The following RIT2 variants were observed in gnomAD, a reference collection of about 807,000 sequenced individuals.
RIT2 encodes the protein Ras like without CAAX 2, also known as GTP-binding protein Rit2.
RIT2 carries 24 observed loss-of-function variants against 23.7 expected under a neutral mutation model. The ratio of observed to expected loss-of-function variants is 1.01; its 90% CI spans 0.73 to 1.43. RIT2 has a LOEUF of 1.43. Among genes scored for constraint, RIT2 ranks in the 40% most tolerant of loss-of-function variants. RIT2 has a pLI of 0.00. For missense variants in RIT2, 236 were observed against 266.9 expected, an observed-to-expected ratio of 0.88 and a Z score of 0.81; for synonymous variants, 107 against 91.1, an observed-to-expected ratio of 1.17 and a Z score of -0.99.
chr18:42,845,690 A>C (rs1004543146), intron 4 of RIT2, among the ~76,000 whole-genome samples: 7 of 150,588 alleles, frequency 4.6e-5, no homozygotes, highest in African/African-American at 1.4e-4. Context: ...AATATTGTAG[A>C]AATTATAGAG....
intron 3 of RIT2, among the ~76,000 whole-genome samples, chr18:42,953,903 C>A (rs909138028): frequency 6.6e-6 from 1 of 152,074 alleles, no homozygotes; most frequent in African/African-American, 2.4e-5. Context: ...AGATCTCAGG[C>A]TTTTCTTATC....
At chr18:42,846,513 A>G (rs1341444596) in intron 4 of RIT2, among the ~76,000 whole-genome samples, 1 of 151,996 alleles carries the variant, frequency 6.6e-6, no homozygotes, top group African/African-American at 2.4e-5. Context: ...TTAGAGTCCA[A>G]TCTCACAAAC....
At chr18:42,919,057 A>G (rs2144128066) in intron 4 of RIT2, among the ~76,000 whole-genome samples, 1 of 152,254 alleles carries the variant, frequency 6.6e-6, no homozygotes, top group South Asian at 2.1e-4. Context: ...ACAGATCCTG[A>G]GAAGAACAGA....
At chr18:42,745,035 G>C (rs975210554) in intron 4 of RIT2, among the ~76,000 whole-genome samples, 2 of 152,128 alleles carry the variant, frequency 1.3e-5, no homozygotes, top group African/African-American at 4.8e-5. Context: ...TATTAGAAGA[G>C]TTTAAAGAAT....
At chr18:42,879,132 G>A (rs1009332505) in intron 4 of RIT2, among the ~76,000 whole-genome samples, 4 of 152,032 alleles carry the variant, frequency 2.6e-5, no homozygotes, top group Admixed American at 2.6e-4. Context: ...ACTTCTGACT[G>A]CTTCCAATCT....
chr18:43,006,471 T>A (rs541645558), intron 2 of RIT2, among the ~76,000 whole-genome samples: 397 of 151,656 alleles, frequency 2.6e-3, no homozygotes, highest in Non-Finnish European at 4.1e-3. Context: ...ATTAAGAGCA[T>A]AATGCAAGAT....
At chr18:43,082,288 C>G (rs768716462) in intron 1 of RIT2, among the ~76,000 whole-genome samples, 1 of 152,046 alleles carries the variant, frequency 6.6e-6, no homozygotes, top group South Asian at 2.1e-4. Flanking sequence ...CAGCCAAATT[C>G]TACCAGAGGT....
intron 1 of RIT2, among the ~76,000 whole-genome samples, chr18:43,098,715 T>G (rs2144370340): frequency 6.6e-6 from 1 of 152,132 alleles, no homozygotes; most frequent in South Asian, 2.1e-4. Flanking sequence ...GCCTATTCAT[T>G]AATTCATTGG....
At position 42,743,801 on chromosome 18, in the gene RIT2, G is replaced by C. The variant is rs1246478690; in HGVS notation, c.427-81C>G. 3.7e-6 allele frequency: 4 copies of C among 1,094,114 alleles called. No individual in the cohort carries two copies. In the African/African-American group the frequency reaches 6.3e-5, roughly 17 times the overall value. 67.8% of individuals were successfully genotyped at this position (1,094,114 alleles called of 1,614,324 possible). A position where few individuals can be genotyped will look rare whatever the true frequency, so the allele number is the denominator to read the frequency against. ...AAAATACGTTCTCTACTAGAGCTGT[G>C]TGTCAGGCCTCTGAGCCCAAGCCAA... On this transcript the variant is annotated intron_variant, in intron 4 of 4. Transcript: ENST00000326695.
chr18:42,900,122 T>A (rs528797391), intron 4 of RIT2, among the ~76,000 whole-genome samples: 1 of 152,204 alleles, frequency 6.6e-6, no homozygotes, highest in East Asian at 1.9e-4. Flanking sequence ...TGTCTTAATC[T>A]AAATTGAATG....
At position 43,101,520 on chromosome 18, in the gene RIT2, C is replaced by T. The variant is rs1450548012; in HGVS notation, c.103+13897G>A. On this transcript the variant is annotated intron_variant, in intron 1 of 4. Transcript: ENST00000326695. ...TAGGAAATTAAAATGAGAAGAAGCC[C>T]TGTGTCGTGCAACATTAAGAGATCT... Among the ~76,000 whole-genome samples, 5 of 152,072 alleles carry T rather than the reference C, an allele frequency of 3.3e-5. No individual in the cohort carries two copies. The South Asian group carries it at 8.3e-4, about 25-fold the overall frequency.
intron 2 of RIT2, among the ~76,000 whole-genome samples, chr18:43,014,141 T>C (rs1412369504): frequency 6.6e-6 from 1 of 151,752 alleles, no homozygotes; most frequent in African/African-American, 2.4e-5. Flanking sequence ...AGGTAATCCT[T>C]GAGCTTATTT....
intron 3 of RIT2, among the ~76,000 whole-genome samples, chr18:42,960,876 G>T (rs568136328): frequency 6.6e-6 from 1 of 152,164 alleles, no homozygotes; most frequent in South Asian, 2.1e-4. Context: ...TTGTCTTCTT[G>T]TTACAAAACA....
At chr18:42,933,450 G>A (rs182344285) in intron 3 of RIT2, among the ~76,000 whole-genome samples, 4 of 152,142 alleles carry the variant, frequency 2.6e-5, no homozygotes, top group East Asian at 1.9e-4. Flanking sequence ...ATCTTAAATT[G>A]TAGTTCCCAT....
chr18:42,852,164 A>T (rs938887307), intron 4 of RIT2, among the ~76,000 whole-genome samples: 2 of 152,240 alleles, frequency 1.3e-5, no homozygotes, highest in African/African-American at 4.8e-5. Context: ...ATTAAAATAC[A>T]AAGTGTGCCT....
At chr18:42,787,735 A>G (rs1269392182) in intron 4 of RIT2, among the ~76,000 whole-genome samples, 1 of 152,128 alleles carries the variant, frequency 6.6e-6, no homozygotes, top group Admixed American at 6.6e-5. Context: ...CTGAATACTC[A>G]GTAGAAACTT....
chr18:42,842,460 T>C lies in RIT2; in HGVS notation c.426+81112A>G, dbSNP rs993090410. 6.6e-5 allele frequency among the ~76,000 whole-genome samples: 10 copies of C among 152,196 alleles called. No homozygotes were observed. In the South Asian group the frequency reaches 2.1e-3, roughly 31 times the overall value. On this transcript the variant is annotated intron_variant, in intron 4 of 4. Transcript: ENST00000326695. ...TATTGAATATAATAAGTATATTCAA[T>C]GTATTTTTCTCAGTATAAGAAAGTG...
intron 1 of RIT2, among the ~76,000 whole-genome samples, chr18:43,034,177 C>T (rs946393612): frequency 1.8e-4 from 27 of 152,154 alleles, no homozygotes; most frequent in African/African-American, 6.5e-4. Flanking sequence ...TACAGAATCC[C>T]TCTTGACCTT....
At position 43,049,972 on chromosome 18, in the gene RIT2, C is replaced by CTTTTTTTTTTTT. The variant is rs755291383; in HGVS notation, c.104-16117_104-16106dup. 1.7e-3 allele frequency among the ~76,000 whole-genome samples: 109 copies of CTTTTTTTTTTTT among 66,004 alleles called. 4 individuals are homozygous for CTTTTTTTTTTTT. Among genetic ancestry groups the CTTTTTTTTTTTT allele is most frequent in the South Asian group, 6.5e-3 (8 of 1,228 alleles). 43.3% of individuals were successfully genotyped at this position (66,004 alleles called of 152,430 possible). ...CAATGGGTAATTGAGAAGGGATTTC[C>CTTTTTTTTTTTT]TTTTTTTTTTTTTTTTTTTTTTTTT... On this transcript the variant is annotated intron_variant, in intron 1 of 4. Transcript: ENST00000326695.
Sources: allele counts gnomAD v4.1 joint callset (sites outside exome capture counted in the v4.1 genomes callset), GRCh38; gene constraint gnomAD v4.1.1; transcripts MANE v1.5; gene names NCBI Gene and HGNC (gene_info 2026-07-23, HGNC 2026-07-21).